The following ZNF664 variants were observed in gnomAD, a reference collection of about 807,000 sequenced individuals.
ZNF664 encodes the protein zinc finger Organ of Corti 1.
Under a neutral mutation model 18.2 loss-of-function variants are expected in ZNF664, and 10 were observed. The ratio of observed to expected loss-of-function variants is 0.55; its 90% CI spans 0.34 to 0.93. ZNF664 has a LOEUF of 0.93. Ranked by LOEUF, ZNF664 falls within the 40% of genes least tolerant of loss-of-function variation. The pLI is 0.02. For missense variants in ZNF664, 193 were observed against 319.0 expected (o/e 0.61, Z 3.01); for synonymous variants, 119 against 104.2 (o/e 1.14, Z -0.86).
rs970059552 is a variant in ZNF664, at chr12:123,998,219, C to T, written c.-661+10081C>T. The stretch of plus-strand genomic sequence containing the variant: ...TATGGATCAGGTCCTTCCCACTCTT[C>T]GGCACCTGTGACAGGCTCCACAGGC... On this transcript the variant is annotated intron_variant, in intron 3 of 4. Transcript: ENST00000337815. Among the ~76,000 whole-genome samples, 10 of 152,110 alleles carry T rather than the reference C, an allele frequency of 6.6e-5. 1 individual carries two copies. The highest frequency in any genetic ancestry group is 2.2e-4 in the African/African-American group (9 of 41,392).
intron 3 of ZNF664, 130 bp downstream of exon 3, chr12:123,988,268 T>G (rs1956847658): frequency 1.3e-6 from 1 of 757,282 alleles, no homozygotes; most frequent in African/African-American, 1.8e-5. Flanking sequence ...CAGCTCTCCG[T>G]GCACGCTCTT....
At chr12:124,002,945 A>G (rs2138427546) in intron 3 of ZNF664, among the ~76,000 whole-genome samples, 1 of 152,304 alleles carries the variant, frequency 6.6e-6, no homozygotes, top group South Asian at 2.1e-4. Context: ...AGTTGAACAG[A>G]AGAGAGGTCA....
At chr12:124,009,179 C>T (rs1032552287) in intron 3 of ZNF664, among the ~76,000 whole-genome samples, 5 of 152,158 alleles carry the variant, frequency 3.3e-5, no homozygotes, top group African/African-American at 9.7e-5. Flanking sequence ...TTAAAATACA[C>T]CACAGTAACA....
chr12:124,006,451 GC>G (rs2138443454), intron 3 of ZNF664, among the ~76,000 whole-genome samples: 1 of 152,310 alleles, frequency 6.6e-6, no homozygotes, highest in South Asian at 2.1e-4. Context: ...CCTTTCTTAT[GC>G]CGTGACCCAG....
intron 3 of ZNF664, among the ~76,000 whole-genome samples, chr12:123,992,005 A>G (rs761284807): frequency 2.6e-4 from 40 of 152,238 alleles, no homozygotes; most frequent in Non-Finnish European, 5.4e-4. Flanking sequence ...AGGCTAAGTC[A>G]TGCAAAGACG....
chr12:123,978,261 T>C (rs894209363), intron 2 of ZNF664, among the ~76,000 whole-genome samples: 7 of 151,560 alleles, frequency 4.6e-5, no homozygotes, highest in African/African-American at 1.7e-4. Flanking sequence ...CTCATCCAAA[T>C]TGGTGAAGAA....
At chr12:123,994,188 AGTTT>A (rs919278157) in intron 3 of ZNF664, among the ~76,000 whole-genome samples, 5 of 151,782 alleles carry the variant, frequency 3.3e-5, no homozygotes, top group Non-Finnish European at 5.9e-5. Context: ...GTCATCTTAC[AGTTT>A]GTTTGCATAC....
intron 2 of ZNF664, among the ~76,000 whole-genome samples, chr12:123,977,476 A>AAAAC (rs1289307549): frequency 5.9e-5 from 9 of 151,730 alleles, no homozygotes; most frequent in Non-Finnish European, 1.2e-4. Context: ...AAAAAAAAAA[A>AAAAC]AAAACCCTAA....
intron 2 of ZNF664, among the ~76,000 whole-genome samples, chr12:123,983,946 T>G (rs777790724): frequency 3.9e-5 from 6 of 152,076 alleles, no homozygotes; most frequent in Admixed American, 2.6e-4. Flanking sequence ...TTCATGATGC[T>G]TGGCAACTAG....
Position 124,014,713 on chromosome 12 carries a change from C to T in ZNF664, c.*1783C>T, listed in dbSNP as rs1286309601. ...ATACTGAAAGTTTGATTTTTCTTTC[C>T]ATATTTGAATTAATTTTTTCTGTTT... On this transcript the variant is annotated 3_prime_UTR_variant, in exon 5 of 5. Coordinates refer to ENST00000337815, the MANE Select transcript of ZNF664 (RefSeq NM_152437.3). 1 of 166,954 alleles carries T rather than the reference C, an allele frequency of 6.0e-6. No individual in the cohort carries two copies. The highest frequency in any genetic ancestry group is 1.5e-5 in the Non-Finnish European group (1 of 68,110). 10.3% of individuals were successfully genotyped at this position (166,954 alleles called of 1,614,324 possible). A position where few individuals can be genotyped will look rare whatever the true frequency, so the allele number is the denominator to read the frequency against.
intron 2 of ZNF664, among the ~76,000 whole-genome samples, chr12:123,987,254 G>A (rs942423068): frequency 1.3e-5 from 2 of 152,136 alleles, no homozygotes; most frequent in Admixed American, 6.5e-5. Context: ...ATGTAGATAC[G>A]GCAGCAGTGT....
At chr12:124,002,944 G>A (rs988447449) in intron 3 of ZNF664, among the ~76,000 whole-genome samples, 3 of 152,194 alleles carry the variant, frequency 2.0e-5, no homozygotes, top group African/African-American at 7.2e-5. Context: ...AAGTTGAACA[G>A]AAGAGAGGTC....
At chr12:123,992,179 A>G (rs1468774882) in intron 3 of ZNF664, among the ~76,000 whole-genome samples, 1 of 152,126 alleles carries the variant, frequency 6.6e-6, no homozygotes, top group Non-Finnish European at 1.5e-5. Context: ...AGGAAAGGGG[A>G]GAAGGAGGCG....
intron 2 of ZNF664, among the ~76,000 whole-genome samples, chr12:123,976,210 G>A (rs1393058453): frequency 6.6e-6 from 1 of 152,196 alleles, no homozygotes; most frequent in Admixed American, 6.5e-5. Flanking sequence ...AAGTTAAGAA[G>A]CACCTGCTAT....
At chr12:124,010,306 A>G (rs1264174588) in intron 3 of ZNF664, among the ~76,000 whole-genome samples, 3 of 152,208 alleles carry the variant, frequency 2.0e-5, no homozygotes, top group Admixed American at 1.3e-4. Flanking sequence ...TGTATGGAAC[A>G]TATTAAAAGT....
intron 3 of ZNF664, among the ~76,000 whole-genome samples, chr12:124,003,775 A>C (rs1440528359): frequency 2.0e-5 from 3 of 152,132 alleles, no homozygotes; most frequent in African/African-American, 4.8e-5. Context: ...AAGATGGGAG[A>C]TTTGAAGAGA....
rs752393445 is a variant in ZNF664 at position 123,983,813 on chromosome 12, C to T, written c.-756-4230C>T. 7.2e-5 allele frequency among the ~76,000 whole-genome samples: 11 copies of T among 152,108 alleles called. 1 individual carries two copies. The highest frequency in any genetic ancestry group is 2.4e-4 in the African/African-American group (10 of 41,418). On this transcript the variant is annotated intron_variant, in intron 2 of 4. Transcript: ENST00000337815. Reference sequence around the variant, plus strand: ...AAACATGTCAAGTTTCTCAGTTAACCGATGTTCAATAAATTACTTTTAATA... The same window carrying T: ...AAACATGTCAAGTTTCTCAGTTAACTGATGTTCAATAAATTACTTTTAATA...
At position 123,974,016 on chromosome 12, in the gene ZNF664, C is replaced by A; in HGVS notation, c.-761C>A. The A allele has an allele frequency of 8.1e-7, 1 of 1,231,932 alleles. No individual in the cohort carries two copies. The highest frequency in any genetic ancestry group is 3.2e-5 in the East Asian group (1 of 31,708). The allele number at this position is 1,231,932 out of a possible 1,614,324, so 76.3% of individuals were successfully genotyped here. A position where few individuals can be genotyped will look rare whatever the true frequency, so the allele number is the denominator to read the frequency against. ...GACCACAACAAGGGCCGGATTCTCA[C>A]CCAGGTAAACCGGCTGCCGGCGCTG... is the stretch of plus-strand genomic sequence containing the variant. On this transcript the variant is annotated 5_prime_UTR_variant, in exon 2 of 5. Coordinates refer to ENST00000337815, the MANE Select transcript of ZNF664 (RefSeq NM_152437.3).
chr12:124,000,634 G>A (rs538820920), intron 3 of ZNF664, among the ~76,000 whole-genome samples: 16 of 152,282 alleles, frequency 1.1e-4, no homozygotes, highest in African/African-American at 3.4e-4. Flanking sequence ...ACATGACAAC[G>A]ATCCCTAGAA....
Sources: allele counts gnomAD v4.1 joint callset (sites outside exome capture counted in the v4.1 genomes callset), GRCh38; gene constraint gnomAD v4.1.1; transcripts MANE v1.5; gene names NCBI Gene and HGNC (gene_info 2026-07-23, HGNC 2026-07-21).